Variants in BRCA1 observed in about 807,000 individuals in gnomAD.
BRCA1 encodes the protein BRCA1 DNA repair associated, also known as breast cancer type 1 susceptibility protein.
BRCA1 carries 140 observed loss-of-function variants against 173.7 expected under a neutral mutation model. The ratio of observed to expected loss-of-function variants is 0.81; its 90% CI spans 0.70 to 0.93. The LOEUF is 0.93. Among genes scored for constraint, BRCA1 ranks in the 40% least tolerant of loss-of-function variants. The pLI is 0.00. For synonymous variants in BRCA1, 662 were observed against 756.0 expected (o/e 0.88, Z 2.04); for missense variants, 1,983 against 2,172.5 (o/e 0.91, Z 1.73).
upstream of BRCA1, among the ~76,000 whole-genome samples, chr17:43,130,245 G>A (rs527486197): frequency 5.9e-5 from 9 of 152,196 alleles, no homozygotes; most frequent in African/African-American, 2.2e-4. Flanking sequence ...TCAACTCCTA[G>A]GTTCACGATC....
At chr17:43,083,290 G>C (rs1366646202) in intron 11 of BRCA1, among the ~76,000 whole-genome samples, 2 of 151,704 alleles carry the variant, frequency 1.3e-5, no homozygotes, top group Admixed American at 1.3e-4. Flanking sequence ...CAAGTAGCTG[G>C]CATTACAGGT....
rs80357772 is a variant in BRCA1, at chr17:43,094,548, CAT to C, written c.981_982del (p.Cys328Ter). On this transcript the variant is annotated frameshift_variant, in exon 10 of 23. Transcript: ENST00000357654. LOFTEE classifies it high-confidence loss of function. ...TGTGCTGGGAGTCCGCCTATCATTA[CAT>C]GTTTCCTTACTTCCAGCCCATCTGT... The C allele has an allele frequency of 3.1e-6, 5 of 1,614,190 alleles. No homozygotes were observed. Among genetic ancestry groups the C allele is most frequent in the East Asian group, 2.2e-5 (1 of 44,892 alleles).
At chr17:43,096,781 T>A (rs1049104357) in intron 8 of BRCA1, among the ~76,000 whole-genome samples, 2 of 152,234 alleles carry the variant, frequency 1.3e-5, no homozygotes, top group African/African-American at 4.8e-5. Context: ...TTACTGTATA[T>A]GAGGAACTTA....
chr17:43,115,373 G>A (rs1192208011), intron 3 of BRCA1, among the ~76,000 whole-genome samples: 1 of 151,942 alleles, frequency 6.6e-6, no homozygotes, highest in Non-Finnish European at 1.5e-5. Context: ...ATGGTGGCGG[G>A]TGCCTGTAGT....
rs62625301 is a variant in BRCA1 at position 43,094,140 on chromosome 17, G to A, written c.1391C>T (p.Thr464Ile). 6 of 1,613,968 alleles carry A rather than the reference G, an allele frequency of 3.7e-6. No individual in the cohort carries two copies. The highest frequency in any genetic ancestry group is 5.1e-6 in the Non-Finnish European group (6 of 1,179,990). ...GGGGAGGCTTGCCTTCTTCCGATAG[G>A]TTTTCCCAAATATTTTGTCTTCAAT... is the stretch of plus-strand genomic sequence containing the variant. The part of the protein sequence containing the change: ...SNIEDKIFGK[T>I]YRKKASLPNL... The change falls in exon 10 of 23, where the codon ACC becomes ATC. Residue 464 changes from threonine to isoleucine, a missense_variant. Thr to Ile is a moderately conservative substitution (Grantham distance 89). Coordinates refer to ENST00000357654, the MANE Select transcript of BRCA1 (RefSeq NM_007294.4).
In BRCA1 at chr17:43,070,826, G is replaced by A. The variant is rs970904104; in HGVS notation, c.4986+102C>T. ...TACACAGAACTGTGATTGTTTTCTA[G>A]ATTTCTTCCTCTAGGTTATTAATTG... On this transcript the variant is annotated intron_variant, in intron 15 of 22. Transcript: ENST00000357654. The A allele has an allele frequency of 6.7e-6, 9 of 1,348,998 alleles. No homozygotes were observed. In the African/African-American group the frequency reaches 8.6e-5, roughly 13 times the overall value. The allele number at this position is 1,348,998 out of a possible 1,614,324, so 83.6% of individuals were successfully genotyped here.
intron 1 of BRCA1, among the ~76,000 whole-genome samples, chr17:43,144,488 C>G (rs1043532596): frequency 4.6e-5 from 7 of 152,062 alleles, no homozygotes; most frequent in Non-Finnish European, 1.0e-4. Flanking sequence ...AAAATCTCCA[C>G]CCTCTGAGGA....
chr17:43,141,882 G>A (rs1054323103), intron 1 of BRCA1, among the ~76,000 whole-genome samples: 7 of 152,102 alleles, frequency 4.6e-5, no homozygotes, highest in African/African-American at 1.2e-4. Context: ...TCCAGACTTT[G>A]GGAGCCCAGC....
intron 6 of BRCA1, among the ~76,000 whole-genome samples, chr17:43,103,800 C>T (rs1315765727): frequency 6.6e-6 from 1 of 151,854 alleles, no homozygotes; most frequent in African/African-American, 2.4e-5. Context: ...GAGATGTTGC[C>T]AGAATAAATG....
intron 6 of BRCA1, among the ~76,000 whole-genome samples, chr17:43,102,659 CT>C (rs879555758): frequency 7.4e-4 from 106 of 142,674 alleles, no homozygotes; most frequent in East Asian, 8.1e-4. Flanking sequence ...CCAGCCAGTT[CT>C]TTTTTTTTTT....
chr17:43,115,395 G>A (rs918146693), intron 3 of BRCA1, among the ~76,000 whole-genome samples: 1 of 151,930 alleles, frequency 6.6e-6, no homozygotes, highest in Non-Finnish European at 1.5e-5. Context: ...CCAGCTACCT[G>A]GGAGGCTGAG....
At position 43,099,865 on chromosome 17, in the gene BRCA1, T is replaced by G. The variant is rs28897674; in HGVS notation, c.457A>C (p.Ser153Arg). 3.7e-5 allele frequency: 60 copies of G among 1,612,720 alleles called. No individual in the cohort carries two copies. The highest frequency in any genetic ancestry group is 4.3e-5 in the Non-Finnish European group (51 of 1,178,818). The change falls in exon 7 of 23, where the codon AGT becomes CGT. Residue 153 changes from serine to arginine, a missense_variant. Transcript: ENST00000357654. ...ENPSLQETSL[S>R]VQLSNLGTVR... ...GTTCCAAGGTTAGAGAGTTGGACAC[T>G]GAGACTGGTTTCCTGCTAAACAGTA...
intron 20 of BRCA1, among the ~76,000 whole-genome samples, chr17:43,050,418 C>T (rs2051156822): frequency 6.6e-6 from 1 of 151,670 alleles, no homozygotes; most frequent in African/African-American, 2.4e-5. Flanking sequence ...ACCATATTGG[C>T]TAACACGGTG....
At chr17:43,167,203 C>T (rs2056273678) in intron 1 of BRCA1, 1 of 152,232 alleles carries the variant, frequency 6.6e-6, no homozygotes, top group Non-Finnish European at 1.5e-5. Context: ...GCTGCCTTGA[C>T]CATCCGCCAT....
At chr17:43,097,066 GA>G (rs919730351) in intron 8 of BRCA1, among the ~76,000 whole-genome samples, 177 bp downstream of exon 8, 1 of 152,048 alleles carries the variant, frequency 6.6e-6, no homozygotes, top group Non-Finnish European at 1.5e-5. Context: ...CCCGGATGAT[GA>G]AAAAAATCTA....
intron 16 of BRCA1, among the ~76,000 whole-genome samples, chr17:43,066,820 T>TC (rs1368970765): frequency 1.3e-5 from 2 of 148,288 alleles, no homozygotes; most frequent in African/African-American, 5.0e-5. Context: ...ACCTTTTTTT[T>TC]TTTTTTTTTT....
In BRCA1 at chr17:43,063,363, C is replaced by T. The variant is rs1403122031; in HGVS notation, c.5163G>A (p.Gln1721=). 16 of 1,611,746 alleles carry T rather than the reference C, an allele frequency of 9.9e-6. No individual in the cohort carries two copies. Among genetic ancestry groups the T allele is most frequent in the Non-Finnish European group, 1.4e-5 (16 of 1,178,028 alleles). The stretch of plus-strand genomic sequence containing the variant: ...TCAGCATTTTTCTTTCTTTAATAGA[C>T]TGGGTCACCCCTAAAGAGATCATAG... ...KWVVSYFWVT[Q]SIKERKMLNE... is the part of the protein sequence containing the mutation. The change falls in exon 18 of 23, where the codon CAG becomes CAA. Residue 1721 remains glutamine (Q), a synonymous_variant. Coordinates refer to ENST00000357654, the MANE Select transcript of BRCA1 (RefSeq NM_007294.4).
chr17:43,086,602 C>T lies in BRCA1; in HGVS notation c.4186-4027G>A, dbSNP rs8176173. On this transcript the variant is annotated intron_variant, in intron 11 of 22. Coordinates refer to ENST00000357654, the MANE Select transcript of BRCA1 (RefSeq NM_007294.4). ...AAAATGAATCCTGAACAAATAGACA[C>T]ATCTCTGGGAATAAGATTAGAAATA... 0.02 allele frequency among the ~76,000 whole-genome samples: 2,970 copies of T among 152,252 alleles called. 47 individuals are homozygous for T. Among genetic ancestry groups the T allele is most frequent in the Non-Finnish European group, 0.029 (1,949 of 68,020 alleles).
intron 1 of BRCA1, among the ~76,000 whole-genome samples, chr17:43,136,456 GCTT>G (rs2056025038): frequency 2.0e-5 from 3 of 152,192 alleles, no homozygotes; most frequent in Admixed American, 2.0e-4. Context: ...AAACTAAAGA[GCTT>G]CTGCACAGCA....
Sources: allele counts gnomAD v4.1 joint callset (sites outside exome capture counted in the v4.1 genomes callset), GRCh38; gene constraint gnomAD v4.1.1; transcripts MANE v1.5; gene names NCBI Gene and HGNC (gene_info 2026-07-23, HGNC 2026-07-21).